NRXN3: variants seen among roughly 807,000 people sequenced by gnomAD.
NRXN3 encodes the protein neurexin III.
In NRXN3, 32 loss-of-function variants were observed where a neutral mutation model predicts 137.6. The observed-to-expected ratio is 0.23, with a 90% CI of 0.18 to 0.31. NRXN3 has a LOEUF of 0.31. Among genes scored for constraint, NRXN3 ranks in the 10% least tolerant of loss-of-function variants. The pLI is 1.00. For missense variants in NRXN3, 1,574 were observed against 2,062.5 expected, an observed-to-expected ratio of 0.76 and a Z score of 4.59; for synonymous variants, 798 against 784.5, an observed-to-expected ratio of 1.02 and a Z score of -0.29.
At chr14:78,684,756 T>C (rs1045332366) in intron 6 of NRXN3, among the ~76,000 whole-genome samples, 2 of 152,210 alleles carry the variant, frequency 1.3e-5, no homozygotes, top group East Asian at 3.9e-4. Context: ...ATTGTATCAC[T>C]ATACTTCAGT....
chr14:79,077,617 G>A (rs1449520341), intron 15 of NRXN3, among the ~76,000 whole-genome samples: 3 of 152,142 alleles, frequency 2.0e-5, no homozygotes, highest in Non-Finnish European at 4.4e-5. Context: ...GATCACAAAT[G>A]AGTAAGGTTG....
Position 79,678,155 on chromosome 14 carries a change from C to T in NRXN3, c.3617-14018C>T, listed in dbSNP as rs530455999. Among the ~76,000 whole-genome samples the T allele has an allele frequency of 7.9e-5, 12 of 152,268 alleles. No individual in the cohort carries two copies. In the South Asian group the frequency reaches 2.5e-3, roughly 32 times the overall value. ...ATTCTTCCAACCTCCCCCTACTCCA[C>T]TGGCCCCTGCAGCTACTTAGAATAG... On this transcript the variant is annotated intron_variant, in intron 17 of 20. Transcript: ENST00000335750.
At chr14:79,244,347 A>G (rs563610133) in intron 15 of NRXN3, among the ~76,000 whole-genome samples, 1 of 152,264 alleles carries the variant, frequency 6.6e-6, no homozygotes, top group Admixed American at 6.5e-5. Context: ...TTTTCAGAAG[A>G]TGAGCATTTT....
At chr14:78,432,874 C>T (rs956113510) in intron 4 of NRXN3, among the ~76,000 whole-genome samples, 9 of 152,172 alleles carry the variant, frequency 5.9e-5, no homozygotes, top group African/African-American at 1.4e-4. Flanking sequence ...ACAGACTTCA[C>T]GTGATCCTGT....
chr14:78,734,886 G>T lies in NRXN3; in HGVS notation c.2044+19747G>T, dbSNP rs532547165. Among the ~76,000 whole-genome samples the T allele has an allele frequency of 5.9e-5, 9 of 152,268 alleles. No individual in the cohort carries two copies. In the East Asian group the frequency reaches 1.5e-3, roughly 26 times the overall value. On this transcript the variant is annotated intron_variant, in intron 8 of 20. Coordinates refer to ENST00000335750, the MANE Select transcript of NRXN3 (RefSeq NM_001330195.2). ...GGCTTGGTCATGTCATCACCTACTG[G>T]TAGAGTATGATACTGATTTAGAATT...
intron 15 of NRXN3, among the ~76,000 whole-genome samples, chr14:79,073,552 G>A (rs1196177098): frequency 6.6e-6 from 1 of 152,148 alleles, no homozygotes; most frequent in African/African-American, 2.4e-5. Context: ...GAAGTTACTA[G>A]GACCAGTGTT....
intron 16 of NRXN3, among the ~76,000 whole-genome samples, chr14:79,593,589 C>T (rs1245215708): frequency 1.3e-4 from 19 of 145,430 alleles, no homozygotes; most frequent in Non-Finnish European, 2.5e-4. Flanking sequence ...CAAGATGGCG[C>T]CACTGCACTC....
chr14:78,599,181 C>A (rs1316282568), intron 4 of NRXN3, among the ~76,000 whole-genome samples: 1 of 152,228 alleles, frequency 6.6e-6, no homozygotes, highest in Admixed American at 6.5e-5. Context: ...CAAAACTTCC[C>A]TCCTTCTACT....
chr14:78,530,935 G>C (rs2096453748), intron 4 of NRXN3, among the ~76,000 whole-genome samples: 2 of 152,138 alleles, frequency 1.3e-5, no homozygotes, highest in African/African-American at 2.4e-5. Context: ...CAAATGCAGA[G>C]CTTTGCTGAT....
chr14:79,025,395 C>T (rs984576739), intron 15 of NRXN3, among the ~76,000 whole-genome samples: 1 of 152,110 alleles, frequency 6.6e-6, no homozygotes, highest in African/African-American at 2.4e-5. Context: ...CCTGTATAAT[C>T]TCCCCCACTT....
At chr14:79,503,428 GA>G in intron 16 of NRXN3, among the ~76,000 whole-genome samples, 1 of 152,192 alleles carries the variant, frequency 6.6e-6, no homozygotes, top group East Asian at 1.9e-4. Context: ...CACGTACAGG[GA>G]CCGCGTTACC....
intron 15 of NRXN3, among the ~76,000 whole-genome samples, chr14:79,361,201 A>C (rs2153416984): frequency 6.6e-6 from 1 of 152,346 alleles, no homozygotes; most frequent in Middle Eastern, 3.4e-3. Context: ...CCTCTAAGAT[A>C]AACCATAATG....
chr14:78,429,845 T>G (rs2153686117), intron 4 of NRXN3, among the ~76,000 whole-genome samples: 1 of 152,348 alleles, frequency 6.6e-6, no homozygotes, highest in South Asian at 2.1e-4. Flanking sequence ...TCACTTAGTT[T>G]TCTGTCAGAT....
At chr14:78,676,246 G>C (rs917858200) in intron 6 of NRXN3, among the ~76,000 whole-genome samples, 2 of 152,166 alleles carry the variant, frequency 1.3e-5, no homozygotes, top group African/African-American at 4.8e-5. Context: ...AGTTAAGATA[G>C]GCTGAAAGCT....
intron 15 of NRXN3, among the ~76,000 whole-genome samples, chr14:79,386,587 G>A (rs1294994935): frequency 2.2e-4 from 34 of 152,142 alleles, no homozygotes; most frequent in African/African-American, 6.3e-4. Flanking sequence ...TCTTCACAGA[G>A]TTGGAAAAAA....
chr14:79,479,802 GA>G (rs1411961628), intron 16 of NRXN3, among the ~76,000 whole-genome samples: 1 of 152,072 alleles, frequency 6.6e-6, no homozygotes, highest in Admixed American at 6.6e-5. Context: ...TATGCAAAAT[GA>G]AAAGATTGGC....
At chr14:79,490,087 G>C (rs943149807) in intron 16 of NRXN3, among the ~76,000 whole-genome samples, 1 of 145,922 alleles carries the variant, frequency 6.9e-6, no homozygotes, top group Non-Finnish European at 1.5e-5. Flanking sequence ...TCATTAGAAA[G>C]CTCCAAGTGA....
At chr14:79,491,180 G>A (rs1020551602) in intron 16 of NRXN3, among the ~76,000 whole-genome samples, 1 of 152,084 alleles carries the variant, frequency 6.6e-6, no homozygotes, top group African/African-American at 2.4e-5. Flanking sequence ...ATTTAGTGAG[G>A]TTAAGTGACT....
chr14:79,277,746 C>T (rs1010898430), intron 15 of NRXN3, among the ~76,000 whole-genome samples: 1 of 152,192 alleles, frequency 6.6e-6, no homozygotes, highest in African/African-American at 2.4e-5. Flanking sequence ...TAAGACACTG[C>T]GTGGGGGCAC....
Sources: gnomAD v4.1 joint callset for allele counts (sites outside exome capture counted in the v4.1 genomes callset) on GRCh38, gnomAD v4.1.1 for gene constraint, MANE v1.5 for transcripts, NCBI Gene and HGNC (gene_info 2026-07-23, HGNC 2026-07-21) for gene names.